Variants in IPCEF1 observed in about 807,000 individuals in gnomAD.
IPCEF1 encodes the protein interaction protein for cytohesin exchange factors 1, also known as interactor protein for cytohesin exchange factors 1.
IPCEF1 carries 31 observed loss-of-function variants against 50.9 expected under a neutral mutation model. The observed-to-expected ratio is 0.61, with a 90% CI of 0.46 to 0.82. The LOEUF (loss-of-function observed/expected upper bound fraction) is 0.82. IPCEF1 is among the 40% of genes least tolerant of loss of function. The pLI is 0.00. For synonymous variants in IPCEF1, 181 were observed against 192.0 expected, an observed-to-expected ratio of 0.94 and a Z score of 0.47; for missense variants, 458 against 514.0, an observed-to-expected ratio of 0.89 and a Z score of 1.05.
At chr6:154,282,611 C>T (rs542818009) in intron 2 of IPCEF1, among the ~76,000 whole-genome samples, 3 of 151,982 alleles carry the variant, frequency 2.0e-5, no homozygotes, top group South Asian at 2.1e-4. Context: ...GGCATAAACC[C>T]GGGAGGCAGA....
chr6:154,272,190 G>C (rs545453378), intron 2 of IPCEF1, among the ~76,000 whole-genome samples: 10 of 152,332 alleles, frequency 6.6e-5, no homozygotes, highest in African/African-American at 2.2e-4. Context: ...GAAGCACACA[G>C]GGCACAAGTG....
chr6:154,241,563 T>A (rs1583885371), intron 5 of IPCEF1, among the ~76,000 whole-genome samples: 1 of 152,140 alleles, frequency 6.6e-6, no homozygotes, highest in Non-Finnish European at 1.5e-5. Context: ...TATTTTAGCC[T>A]CAAATTTTTT....
rs1562526757 is a variant in IPCEF1 at position 154,180,416 on chromosome 6, T to TA, written c.911-12304_911-12303insT. On this transcript the variant is annotated intron_variant, in intron 10 of 11. Transcript: ENST00000367220. The stretch of plus-strand genomic sequence containing the variant: ...TATATATATATATATATATATATAT[T>TA]TTTTTTTTAAACATGATCCTTCTTG... Among the ~76,000 whole-genome samples the TA allele has an allele frequency of 6.9e-3, 350 of 51,034 alleles. 1 individual carries two copies. The highest frequency in any genetic ancestry group is 0.016 in the East Asian group (11 of 692). The allele number at this position is 51,034 out of a possible 152,430, so 33.5% of individuals were successfully genotyped here.
intron 3 of IPCEF1, among the ~76,000 whole-genome samples, chr6:154,263,314 A>G (rs1781652610): frequency 6.7e-6 from 1 of 148,216 alleles, no homozygotes; most frequent in Non-Finnish European, 1.5e-5. Context: ...GCAGGGTCAC[A>G]GGACAATAGT....
intron 1 of IPCEF1, among the ~76,000 whole-genome samples, chr6:154,332,492 C>T (rs1320344468): frequency 1.3e-5 from 2 of 152,072 alleles, no homozygotes; most frequent in Non-Finnish European, 2.9e-5. Context: ...TGTGAAGATG[C>T]TATGTTTCAA....
chr6:154,166,645 C>T (rs1799458090), intron 11 of IPCEF1, among the ~76,000 whole-genome samples: 1 of 152,100 alleles, frequency 6.6e-6, no homozygotes, highest in African/African-American at 2.4e-5. Flanking sequence ...ATTTGTTTTC[C>T]TCTGTTTCTA....
chr6:154,302,501 G>T (rs1483248548), intron 1 of IPCEF1, among the ~76,000 whole-genome samples: 1 of 152,040 alleles, frequency 6.6e-6, no homozygotes, highest in Admixed American at 6.6e-5. Context: ...GGGGAAGGGG[G>T]TTTTGCTGTG....
chr6:154,159,785 T>A lies in IPCEF1; in HGVS notation c.*43A>T, dbSNP rs1172258120. ...TAAGCTTTTGCAACATCTTGAAGAG[T>A]TGCTTGTGATAAAATATAAGAGGAG... On this transcript the variant is annotated 3_prime_UTR_variant, in exon 12 of 12. Coordinates refer to ENST00000367220, the MANE Select transcript of IPCEF1 (RefSeq NM_001130700.2). 4 of 1,462,878 alleles carry A rather than the reference T, an allele frequency of 2.7e-6. No individual in the cohort carries two copies. The East Asian group carries it at 9.1e-5, about 33-fold the overall frequency. The allele number at this position is 1,462,878 out of a possible 1,614,324, so 90.6% of individuals were successfully genotyped here.
chr6:154,285,530 A>G (rs1414754376), intron 2 of IPCEF1, among the ~76,000 whole-genome samples: 1 of 152,238 alleles, frequency 6.6e-6, no homozygotes, highest in African/African-American at 2.4e-5. Context: ...ACAATAGCTC[A>G]AATGTTAACC....
intron 1 of IPCEF1, among the ~76,000 whole-genome samples, chr6:154,334,860 C>T (rs1783755963): frequency 6.6e-6 from 1 of 152,070 alleles, no homozygotes. Flanking sequence ...CTTTGATATA[C>T]TGAACTAAAG....
chr6:154,239,206 G>C (rs564062517), intron 5 of IPCEF1, among the ~76,000 whole-genome samples: 1 of 152,050 alleles, frequency 6.6e-6, no homozygotes, highest in African/African-American at 2.4e-5. Context: ...AATAATATTG[G>C]CAACATGAGC....
intron 1 of IPCEF1, among the ~76,000 whole-genome samples, chr6:154,329,648 A>G (rs1260309046): frequency 1.4e-5 from 2 of 140,330 alleles, no homozygotes; most frequent in African/African-American, 5.0e-5. Context: ...AAAGAAAGAA[A>G]GAAAGATCCA....
At chr6:154,338,890 A>G (rs1443035598) in intron 1 of IPCEF1, among the ~76,000 whole-genome samples, 2 of 152,104 alleles carry the variant, frequency 1.3e-5, no homozygotes, top group African/African-American at 4.8e-5. Flanking sequence ...GTGAGCCAAG[A>G]CTGCAACACT....
intron 1 of IPCEF1, among the ~76,000 whole-genome samples, chr6:154,333,629 T>TATGTATACAAGTATAC (rs1783723154): frequency 6.6e-6 from 1 of 151,520 alleles, no homozygotes; most frequent in Admixed American, 6.6e-5. Context: ...TATACGTACA[T>TATGTATACAAGTATAC]ATGTATACAA....
intron 2 of IPCEF1, among the ~76,000 whole-genome samples, chr6:154,276,203 GAA>G (rs949483591): frequency 6.9e-6 from 1 of 144,722 alleles, no homozygotes; most frequent in Admixed American, 7.1e-5. Context: ...GAAAGAAAGA[GAA>G]AAAGAGAGAG....
At chr6:154,323,072 G>A (rs1185837062) in intron 1 of IPCEF1, among the ~76,000 whole-genome samples, 2 of 152,096 alleles carry the variant, frequency 1.3e-5, no homozygotes, top group African/African-American at 4.8e-5. Flanking sequence ...GATTCCAGCA[G>A]GTGTTGTCAG....
chr6:154,351,699 G>T (rs975322786), intron 1 of IPCEF1, among the ~76,000 whole-genome samples: 6 of 152,178 alleles, frequency 3.9e-5, no homozygotes, highest in Admixed American at 1.3e-4. Context: ...CCTGCCTATT[G>T]TGGTGGTTTG....
chr6:154,314,884 C>CT (rs11367569), intron 1 of IPCEF1, among the ~76,000 whole-genome samples: 406 of 138,026 alleles, frequency 2.9e-3, no homozygotes, highest in East Asian at 4.7e-3. Flanking sequence ...AGTGTGATTA[C>CT]TTTTTTTTTT....
At chr6:154,271,786 C>T (rs1781907929) in intron 2 of IPCEF1, among the ~76,000 whole-genome samples, 1 of 151,982 alleles carries the variant, frequency 6.6e-6, no homozygotes, top group Non-Finnish European at 1.5e-5. Flanking sequence ...GAGTATGAGA[C>T]CAGCCTGGGC....
Sources: allele counts gnomAD v4.1 joint callset (sites outside exome capture counted in the v4.1 genomes callset), GRCh38; gene constraint gnomAD v4.1.1; transcripts MANE v1.5; gene names NCBI Gene and HGNC (gene_info 2026-07-23, HGNC 2026-07-21).